The following CSMD1 variants were observed in gnomAD, a reference collection of about 807,000 sequenced individuals.
CSMD1 encodes CUB and sushi domain-containing protein 1.
In CSMD1, 213 loss-of-function variants were observed where a neutral mutation model predicts 417.5. That is an observed-to-expected ratio of 0.51 (90% CI 0.46 to 0.57). The LOEUF (loss-of-function observed/expected upper bound fraction) is 0.57. CSMD1 is among the 20% of genes least tolerant of loss of function. The probability of loss-of-function intolerance (pLI) is 0.00; values close to 1 mark genes in which losing one functional copy is unlikely to be tolerated. For synonymous variants in CSMD1, 2,862 were observed against 1,736.8 expected, an observed-to-expected ratio of 1.65 and a Z score of -16.11; for missense variants, 6,923 against 4,529.7, an observed-to-expected ratio of 1.53 and a Z score of -15.17.
rs369074267 is a variant in CSMD1, at chr8:3,772,494, T to C, written c.819-18452A>G. 7.2e-4 allele frequency among the ~76,000 whole-genome samples: 12 copies of C among 16,596 alleles called. 2 individuals are homozygous for C. Among genetic ancestry groups the C allele is most frequent in the Admixed American group, 1.9e-3 (2 of 1,056 alleles). The allele number at this position is 16,596 out of a possible 152,430, so 10.9% of individuals were successfully genotyped here. A position where few individuals can be genotyped will look rare whatever the true frequency, so the allele number is the denominator to read the frequency against. ...ACATATATATACATATATACACATA[T>C]ATACATATATACACATATATACATA... On this transcript the variant is annotated intron_variant, in intron 5 of 69. Coordinates refer to ENST00000635120, the MANE Select transcript of CSMD1 (RefSeq NM_033225.6).
At chr8:4,432,674 G>C (rs1797933947) in intron 2 of CSMD1, among the ~76,000 whole-genome samples, 1 of 152,188 alleles carries the variant, frequency 6.6e-6, no homozygotes. Context: ...GGAGAGACAA[G>C]ATTCAAACCC....
At chr8:3,317,152 A>C (rs538503676) in intron 23 of CSMD1, among the ~76,000 whole-genome samples, 3 of 152,190 alleles carry the variant, frequency 2.0e-5, no homozygotes, top group Admixed American at 6.5e-5. Flanking sequence ...GGAAGAGGAG[A>C]ATCATCAGCA....
At chr8:4,736,077 G>A (rs1026584117) in intron 1 of CSMD1, among the ~76,000 whole-genome samples, 2 of 152,110 alleles carry the variant, frequency 1.3e-5, no homozygotes, top group African/African-American at 4.8e-5. Context: ...TCATGAATAT[G>A]CCTGATTTTC....
At chr8:4,332,268 C>G (rs907270803) in intron 3 of CSMD1, among the ~76,000 whole-genome samples, 11 of 152,066 alleles carry the variant, frequency 7.2e-5, no homozygotes, top group African/African-American at 2.7e-4. Context: ...TGCCAAGGAG[C>G]CAAAGGGCTG....
At chr8:3,993,559 C>T (rs891480725) in intron 5 of CSMD1, among the ~76,000 whole-genome samples, 14 of 152,124 alleles carry the variant, frequency 9.2e-5, no homozygotes, top group Non-Finnish European at 1.6e-4. Context: ...TTAACAGGAA[C>T]AAAATAAACT....
At chr8:4,029,397 T>A (rs1335499313) in intron 4 of CSMD1, among the ~76,000 whole-genome samples, 1 of 152,172 alleles carries the variant, frequency 6.6e-6, no homozygotes, top group Non-Finnish European at 1.5e-5. Flanking sequence ...CTCACAATCA[T>A]GGTGGAAGGC....
chr8:4,080,801 T>C (rs1489140320), intron 3 of CSMD1, among the ~76,000 whole-genome samples: 3 of 152,190 alleles, frequency 2.0e-5, no homozygotes, highest in Non-Finnish European at 2.9e-5. Flanking sequence ...TCTAAGTATT[T>C]GATCAGATAG....
At chr8:4,735,776 T>G (rs1220859008) in intron 1 of CSMD1, among the ~76,000 whole-genome samples, 13 of 152,102 alleles carry the variant, frequency 8.5e-5, no homozygotes, top group African/African-American at 2.4e-4. Context: ...AGCCGAGGAT[T>G]TGAATTTTAG....
chr8:2,993,338 T>C (rs759683875), intron 54 of CSMD1, among the ~76,000 whole-genome samples: 1 of 152,178 alleles, frequency 6.6e-6, no homozygotes, highest in Non-Finnish European at 1.5e-5. Flanking sequence ...AAGGTAAGGT[T>C]ATATTTTCCT....
At chr8:4,833,837 T>A (rs1025750937) in intron 1 of CSMD1, among the ~76,000 whole-genome samples, 1 of 152,192 alleles carries the variant, frequency 6.6e-6, no homozygotes, top group Non-Finnish European at 1.5e-5. Context: ...AATTGCAAGT[T>A]GGCTACGTTG....
At chr8:4,817,035 G>C (rs987090227) in intron 1 of CSMD1, among the ~76,000 whole-genome samples, 13 of 152,116 alleles carry the variant, frequency 8.5e-5, no homozygotes, top group Non-Finnish European at 1.3e-4. Context: ...AGGGAAATGC[G>C]TGTTAAGATT....
At chr8:3,857,014 G>A (rs1311075355) in intron 5 of CSMD1, among the ~76,000 whole-genome samples, 1 of 152,136 alleles carries the variant, frequency 6.6e-6, no homozygotes, top group African/African-American at 2.4e-5. Context: ...GTAATGGCAT[G>A]GCAATGATTA....
intron 19 of CSMD1, among the ~76,000 whole-genome samples, chr8:3,367,933 T>C (rs1306771149): frequency 6.6e-6 from 1 of 152,144 alleles, no homozygotes; most frequent in Non-Finnish European, 1.5e-5. Context: ...TCTAAACAGG[T>C]GTCCTTTAGA....
Position 3,813,143 on chromosome 8 carries a change from T to C in CSMD1, c.819-59101A>G, listed in dbSNP as rs886430318. Among the ~76,000 whole-genome samples the C allele has an allele frequency of 2.0e-5, 3 of 151,012 alleles. No individual in the cohort carries two copies. The East Asian group carries it at 5.9e-4, about 30-fold the overall frequency. On this transcript the variant is annotated intron_variant, in intron 5 of 69. Transcript: ENST00000635120. ...TGAAGACTTTCACATATGTTCCCAC[T>C]GGCATTGTAACACAATTACATTTCA...
chr8:4,528,894 G>A (rs1438697909), intron 2 of CSMD1, among the ~76,000 whole-genome samples: 1 of 152,102 alleles, frequency 6.6e-6, no homozygotes, highest in Admixed American at 6.6e-5. Flanking sequence ...AGCTTTCCAT[G>A]TTTGAGACGG....
chr8:4,984,124 A>G (rs117693824), intron 1 of CSMD1, among the ~76,000 whole-genome samples: 4,839 of 152,332 alleles, frequency 0.032, 101 homozygotes, highest in Middle Eastern at 0.13. Flanking sequence ...AGTAAATCAA[A>G]AACTGCTTTT....
intron 1 of CSMD1, among the ~76,000 whole-genome samples, chr8:4,902,710 C>G (rs1804967781): frequency 6.6e-6 from 1 of 152,004 alleles, no homozygotes; most frequent in African/African-American, 2.4e-5. Context: ...ATACAAAATT[C>G]TACATATATC....
At chr8:4,287,141 T>A (rs562686067) in intron 3 of CSMD1, among the ~76,000 whole-genome samples, 1 of 152,352 alleles carries the variant, frequency 6.6e-6, no homozygotes, top group African/African-American at 2.4e-5. Context: ...AGTCTGTTAA[T>A]GTGGAACTAT....
At chr8:4,419,596 G>A (rs766884461) in intron 3 of CSMD1, among the ~76,000 whole-genome samples, 71 of 152,092 alleles carry the variant, frequency 4.7e-4, no homozygotes, top group Non-Finnish European at 5.4e-4. Context: ...CAGTATAATT[G>A]TCCAACCAAA....
Sources: allele counts gnomAD v4.1 joint callset (sites outside exome capture counted in the v4.1 genomes callset), GRCh38; gene constraint gnomAD v4.1.1; transcripts MANE v1.5; gene names NCBI Gene and HGNC (gene_info 2026-07-23, HGNC 2026-07-21).